The following LRRC4C variants were observed in gnomAD, a reference collection of about 807,000 sequenced individuals.
LRRC4C encodes leucine rich repeat containing 4C.
Under a neutral mutation model 33.6 loss-of-function variants are expected in LRRC4C, and 5 were observed. That is an observed-to-expected ratio of 0.15 (90% CI 0.08 to 0.31). LRRC4C has a LOEUF of 0.31. LRRC4C is among the 10% of genes least tolerant of loss of function. The pLI, the probability that LRRC4C is intolerant of heterozygous loss-of-function variation, is 1.00. For missense variants in LRRC4C, 560 were observed against 796.7 expected (o/e 0.70, Z 3.58); for synonymous variants, 329 against 302.0 (o/e 1.09, Z -0.93).
chr11:41,030,298 G>C (rs946471980), intron 1 of LRRC4C, among the ~76,000 whole-genome samples: 5 of 151,876 alleles, frequency 3.3e-5, no homozygotes, highest in Middle Eastern at 3.4e-3. Flanking sequence ...CAAGAGAACG[G>C]AGTCAAAATA....
chr11:40,934,008 T>C (rs1345100167), intron 1 of LRRC4C, among the ~76,000 whole-genome samples: 2 of 152,164 alleles, frequency 1.3e-5, no homozygotes, highest in Admixed American at 6.6e-5. Context: ...GACTGTTGAG[T>C]AAGATTTTTA....
At chr11:40,995,268 A>G (rs944965820) in intron 1 of LRRC4C, among the ~76,000 whole-genome samples, 2 of 152,054 alleles carry the variant, frequency 1.3e-5, no homozygotes, top group Admixed American at 6.6e-5. Flanking sequence ...GTGTCTGCAG[A>G]GCTATGTCAT....
chr11:41,026,265 A>C (rs1229412618), intron 1 of LRRC4C, among the ~76,000 whole-genome samples: 6 of 151,676 alleles, frequency 4.0e-5, no homozygotes, highest in Non-Finnish European at 8.9e-5. Flanking sequence ...CATTAACAGG[A>C]GTCTGCAAGA....
intron 1 of LRRC4C, among the ~76,000 whole-genome samples, chr11:41,271,163 A>T (rs991890873): frequency 7.9e-5 from 12 of 152,090 alleles, no homozygotes; most frequent in African/African-American, 2.2e-4. Flanking sequence ...TGCCTCACAT[A>T]CGGTAAAGGT....
chr11:41,449,745 G>A (rs1432849917), intron 1 of LRRC4C, among the ~76,000 whole-genome samples: 1 of 146,436 alleles, frequency 6.8e-6, no homozygotes, highest in Non-Finnish European at 1.5e-5. Context: ...GATTCAGTCT[G>A]AGCAGTTAGT....
At chr11:40,605,793 T>C (rs956860438) in intron 3 of LRRC4C, among the ~76,000 whole-genome samples, 7 of 152,286 alleles carry the variant, frequency 4.6e-5, no homozygotes, top group African/African-American at 1.4e-4. Flanking sequence ...CTCACCATAG[T>C]TCCTGCCACT....
chr11:40,144,779 G>A (rs1239860925), intron 5 of LRRC4C, among the ~76,000 whole-genome samples: 1 of 152,182 alleles, frequency 6.6e-6, no homozygotes, highest in Non-Finnish European at 1.5e-5. Flanking sequence ...GTTAATAGAA[G>A]AAATCAAATA....
intron 2 of LRRC4C, among the ~76,000 whole-genome samples, chr11:40,909,389 T>C (rs1379419850): frequency 1.3e-5 from 2 of 152,068 alleles, no homozygotes; most frequent in Non-Finnish European, 2.9e-5. Context: ...TTATATAGAA[T>C]ACATTGAAAA....
chr11:40,679,938 A>G (rs1315613996), intron 2 of LRRC4C, among the ~76,000 whole-genome samples: 1 of 152,114 alleles, frequency 6.6e-6, no homozygotes, highest in Non-Finnish European at 1.5e-5. Flanking sequence ...AGCTTGCACC[A>G]CACACCTGGA....
intron 2 of LRRC4C, among the ~76,000 whole-genome samples, chr11:40,733,132 G>A (rs954170692): frequency 2.9e-5 from 4 of 137,778 alleles, no homozygotes; most frequent in African/African-American, 5.5e-5. Flanking sequence ...CTGGAGTAGC[G>A]TGGCGAGATC....
intron 3 of LRRC4C, among the ~76,000 whole-genome samples, chr11:40,570,405 G>A (rs542549505): frequency 2.0e-5 from 3 of 152,058 alleles, no homozygotes; most frequent in Non-Finnish European, 4.4e-5. Context: ...CATTGTGCTG[G>A]GCAACCCAAA....
chr11:40,839,610 C>T (rs1952825888), intron 2 of LRRC4C, among the ~76,000 whole-genome samples: 1 of 152,114 alleles, frequency 6.6e-6, no homozygotes, highest in Non-Finnish European at 1.5e-5. Flanking sequence ...ATGAAGTGAA[C>T]TGGCCAAGAG....
At chr11:40,207,069 A>G (rs1235418736) in intron 5 of LRRC4C, among the ~76,000 whole-genome samples, 1 of 152,154 alleles carries the variant, frequency 6.6e-6, no homozygotes, top group Non-Finnish European at 1.5e-5. Context: ...ACCCCAAATC[A>G]TTTCAGTTCC....
At chr11:40,613,914 A>G (rs141518084) in intron 3 of LRRC4C, among the ~76,000 whole-genome samples, 1 of 151,996 alleles carries the variant, frequency 6.6e-6, no homozygotes, top group East Asian at 1.9e-4. Flanking sequence ...AGGTCTCAAC[A>G]GTGAGCTTAA....
chr11:40,202,851 A>G (rs999776523), intron 5 of LRRC4C, among the ~76,000 whole-genome samples: 2 of 152,172 alleles, frequency 1.3e-5, no homozygotes, highest in South Asian at 4.1e-4. Context: ...ATTTTCCCTG[A>G]CCTAACATCC....
chr11:41,175,154 A>G (rs1239704391), intron 1 of LRRC4C, among the ~76,000 whole-genome samples: 1 of 152,038 alleles, frequency 6.6e-6, no homozygotes, highest in Non-Finnish European at 1.5e-5. Flanking sequence ...TTTGTAAAAA[A>G]TACCTGTGAT....
chr11:40,452,136 TAA>T (rs1218517209), intron 3 of LRRC4C, among the ~76,000 whole-genome samples: 1 of 152,010 alleles, frequency 6.6e-6, no homozygotes, highest in African/African-American at 2.4e-5. Context: ...CAAAGGTAGA[TAA>T]AACCACAAAA....
intron 1 of LRRC4C, among the ~76,000 whole-genome samples, chr11:41,076,053 ACTCTCTTTC>A (rs1471729417): frequency 4.0e-5 from 6 of 151,688 alleles, no homozygotes; most frequent in African/African-American, 9.7e-5. Context: ...TTGAAGACCT[ACTCTCTTTC>A]CTCTCTTTAC....
intron 3 of LRRC4C, among the ~76,000 whole-genome samples, chr11:40,607,857 C>T (rs566636217): frequency 1.3e-5 from 2 of 152,232 alleles, no homozygotes; most frequent in African/African-American, 2.4e-5. Flanking sequence ...GCTGTAAACA[C>T]TCATCCCTAG....
Sources: allele counts gnomAD v4.1 joint callset (sites outside exome capture counted in the v4.1 genomes callset), GRCh38; gene constraint gnomAD v4.1.1; transcripts MANE v1.5; gene names NCBI Gene and HGNC (gene_info 2026-07-23, HGNC 2026-07-21).